TSC22D4: variants seen among roughly 807,000 people sequenced by gnomAD.
The protein encoded by TSC22D4 is TSC22 domain family member 4.
Under a neutral mutation model 24.9 loss-of-function variants are expected in TSC22D4, and 5 were observed. The observed-to-expected ratio is 0.20, with a 90% confidence interval of 0.10 to 0.42. The LOEUF (loss-of-function observed/expected upper bound fraction) is 0.42. TSC22D4 is among the 10% of genes least tolerant of loss of function. TSC22D4 has a pLI of 1.00. For synonymous variants in TSC22D4, 245 were observed against 243.2 expected, an observed-to-expected ratio of 1.01 and a Z score of -0.07; for missense variants, 469 against 547.9, an observed-to-expected ratio of 0.86 and a Z score of 1.44.
rs1423475888 is a variant in TSC22D4 at position 100,474,078 on chromosome 7, A to G, written c.929+196T>C. The G allele has an allele frequency of 1.6e-5, 10 of 633,022 alleles. No individual in the cohort carries two copies. The highest frequency in any genetic ancestry group is 1.3e-4 in the African/African-American group (7 of 54,564). The allele number at this position is 633,022 out of a possible 1,614,324, so 39.2% of individuals were successfully genotyped here. Reference sequence around the variant, plus strand: ...AGTTCTGAGCCAGGGAGTCCCACCCAGCCCTCTCCACAGAGAGGGAGTGGG... The same window carrying G: ...AGTTCTGAGCCAGGGAGTCCCACCCGGCCCTCTCCACAGAGAGGGAGTGGG... On this transcript the variant is annotated intron_variant, in intron 3 of 4. Transcript: ENST00000300181. This position sits in a 1 kb window ranked among gnomAD's most constrained non-coding sequence, Gnocchi z 4.3.
rs1304967069 is a variant in TSC22D4, at chr7:100,466,566, A to G, written c.*393T>C. ...AATTATTATTATTATTTTAATAACAACCTGAATCCCAGAACTTCCAGATAC... is the reference window on the plus strand; with the variant it reads ...AATTATTATTATTATTTTAATAACAGCCTGAATCCCAGAACTTCCAGATAC... On this transcript the variant is annotated 3_prime_UTR_variant, in exon 5 of 5. Coordinates refer to ENST00000300181, the MANE Select transcript of TSC22D4 (RefSeq NM_030935.5). 3 of 193,954 alleles carry G rather than the reference A, an allele frequency of 1.5e-5. No homozygotes were observed. In the Admixed American group the frequency reaches 1.8e-4, roughly 12 times the overall value. 12.0% of individuals were successfully genotyped at this position (193,954 alleles called of 1,614,324 possible). A position where few individuals can be genotyped will look rare whatever the true frequency, so the allele number is the denominator to read the frequency against.
intron 3 of TSC22D4, among the ~76,000 whole-genome samples, chr7:100,473,079 T>C (rs889719359): frequency 6.6e-6 from 1 of 152,208 alleles, no homozygotes; most frequent in Non-Finnish European, 1.5e-5. Context: ...GCAGCCTGGC[T>C]ATCTCTGACT....
Position 100,477,732 on chromosome 7 carries a change from G to A in TSC22D4, c.307C>T (p.His103Tyr), listed in dbSNP as rs1332458693. Residue 103 changes from histidine to tyrosine, a missense_variant, in exon 2 of 5, where the codon CAC becomes TAC. By Grantham distance (83) the His-to-Tyr change is moderately conservative (BLOSUM62 2). Transcript: ENST00000300181. The surrounding 1 kb of genome is among the most constrained non-coding windows in gnomAD (Gnocchi z 7.8). ...VDVYERDLEP[H>Y]SFGGLLEGIR... ...CCCTCCAGGAGTCCGCCGAAGCTGT[G>A]GGGCTCCAGGTCTCGCTCATAAACA... is the stretch of plus-strand genomic sequence containing the variant. 1 of 1,602,290 alleles carries A rather than the reference G, an allele frequency of 6.2e-7. No individual in the cohort carries two copies.
chr7:100,471,662 C>T (rs372463945), intron 3 of TSC22D4, among the ~76,000 whole-genome samples: 3 of 152,258 alleles, frequency 2.0e-5, no homozygotes, highest in East Asian at 3.9e-4. Flanking sequence ...ATCGCTTAAA[C>T]CTGGGAGGCA....
chr7:100,474,382 C>A lies in TSC22D4; in HGVS notation c.821G>T (p.Ser274Ile), dbSNP rs1563182106. ...GGGGTCTGGAGATTTGTGAACCAGG[C>A]TGGCATCGTGGGTGAAGTAGAGGGC... ...SPALYFTHDA[S>I]LVHKSPDPFG... is the part of the protein sequence containing the mutation. Residue 274 changes from serine (S) to isoleucine (I), a missense_variant, in exon 3 of 5, where the codon AGC becomes ATC. By Grantham distance (142) the Ser-to-Ile change is moderately radical. Transcript: ENST00000300181. This position sits in a 1 kb window ranked among gnomAD's most constrained non-coding sequence, Gnocchi z 4.3. 6.2e-7 allele frequency: 1 copy of A among 1,614,000 alleles called. No individual in the cohort carries two copies. The highest frequency in any genetic ancestry group is 1.7e-5 in the Admixed American group (1 of 59,980).
At chr7:100,476,939 C>T (rs567269173) in intron 2 of TSC22D4, among the ~76,000 whole-genome samples, 1 of 152,260 alleles carries the variant, frequency 6.6e-6, no homozygotes, top group African/African-American at 2.4e-5. Context: ...CCAGCTGGGG[C>T]CTCCACCCTC....
chr7:100,477,388 C>A lies in TSC22D4; in HGVS notation c.651G>T (p.Arg217Ser). 6.3e-7 allele frequency: 1 copy of A among 1,595,758 alleles called. No homozygotes were observed. Among genetic ancestry groups the A allele is most frequent in the South Asian group, 1.1e-5 (1 of 88,796 alleles). ...CTGAGCCCCCAGCCTCCGCTTCCAC[C>A]CTCAGAGAGGGCAGGGGCGTGGCAG... The part of the protein sequence containing the change: ...SRAATPLPSL[R>S]VEAEAGGSGA... The change falls in exon 2 of 5, where the codon AGG becomes AGT. Residue 217 changes from arginine (R) to serine (S), a missense_variant. Coordinates refer to ENST00000300181, the MANE Select transcript of TSC22D4 (RefSeq NM_030935.5). The surrounding 1 kb of genome is among the most constrained non-coding windows in gnomAD (Gnocchi z 7.8).
At position 100,477,774 on chromosome 7, in the gene TSC22D4, G is replaced by C. The variant is rs776854978; in HGVS notation, c.265C>G (p.Arg89Gly). 6.2e-7 allele frequency: 1 copy of C among 1,606,250 alleles called. No homozygotes were observed. The highest frequency in any genetic ancestry group is 8.5e-7 in the Non-Finnish European group (1 of 1,179,820). Residue 89 changes from arginine (R) to glycine (G), a missense_variant, in exon 2 of 5, where the codon CGC (arginine) becomes GGC (glycine). Coordinates refer to ENST00000300181, the MANE Select transcript of TSC22D4 (RefSeq NM_030935.5). This position sits in a 1 kb window ranked among gnomAD's most constrained non-coding sequence, Gnocchi z 7.8. ...HGLGEPYRRG[R>G]WTCVDVYERD... ...TCATAAACATCCACACACGTCCAGC[G>C]ACCGCGGCGATAAGGCTCTCCCAGG... is the stretch of plus-strand genomic sequence containing the variant.
chr7:100,466,572 A>G lies in TSC22D4; in HGVS notation c.*387T>C, dbSNP rs1799280376. ...TATTATTATTTTAATAACAACCTGA[A>G]TCCCAGAACTTCCAGATACTGTCCA... On this transcript the variant is annotated 3_prime_UTR_variant, in exon 5 of 5. Coordinates refer to ENST00000300181, the MANE Select transcript of TSC22D4 (RefSeq NM_030935.5). The G allele has an allele frequency of 4.9e-6, 1 of 204,396 alleles. No individual in the cohort carries two copies. The highest frequency in any genetic ancestry group is 2.3e-5 in the African/African-American group (1 of 43,576). The allele number at this position is 204,396 out of a possible 1,614,324, so 12.7% of individuals were successfully genotyped here. A position where few individuals can be genotyped will look rare whatever the true frequency, so the allele number is the denominator to read the frequency against.
chr7:100,478,398 T>TGTGTGTGTGTGA (rs1799558691), intron 1 of TSC22D4, 91 bp from the exon 2 acceptor site: 1 of 208,380 alleles, frequency 4.8e-6, no homozygotes, highest in Non-Finnish European at 9.3e-6. Flanking sequence ...TGTGTGTGTG[T>TGTGTGTGTGTGA]GTGAAACCAG....
intron 3 of TSC22D4, among the ~76,000 whole-genome samples, chr7:100,468,383 G>A (rs1243520941): frequency 2.0e-5 from 3 of 152,114 alleles, no homozygotes; most frequent in Admixed American, 6.5e-5. Flanking sequence ...GAGGCCCCTC[G>A]CCACCTCCGA....
chr7:100,470,480 G>T (rs1023546255), intron 3 of TSC22D4, among the ~76,000 whole-genome samples: 8 of 152,076 alleles, frequency 5.3e-5, no homozygotes, highest in Non-Finnish European at 2.9e-5. Context: ...TTGCCGGGGA[G>T]CCTCCGGCAA....
Position 100,477,362 on chromosome 7 carries a change from C to G in TSC22D4, c.677G>C (p.Gly226Ala). 1.9e-6 allele frequency: 3 copies of G among 1,584,764 alleles called. No homozygotes were observed. The highest frequency in any genetic ancestry group is 1.4e-5 in the African/African-American group (1 of 73,948). ...CCGGGACAGTGGAGGGGTCCTGGCCCCTGAGCCCCCAGCCTCCGCTTCCAC... is the reference window on the plus strand; with the variant it reads ...CCGGGACAGTGGAGGGGTCCTGGCCGCTGAGCCCCCAGCCTCCGCTTCCAC... Reference protein sequence around the residue: ...LRVEAEAGGSGARTPPLSRRK... With the variant: ...LRVEAEAGGSAARTPPLSRRK... Residue 226 changes from glycine to alanine, a missense_variant, in exon 2 of 5, where the codon GGG becomes GCG. By Grantham distance (60) the Gly-to-Ala change is moderately conservative. Coordinates refer to ENST00000300181, the MANE Select transcript of TSC22D4 (RefSeq NM_030935.5). This position sits in a 1 kb window ranked among gnomAD's most constrained non-coding sequence, Gnocchi z 7.8.
intron 3 of TSC22D4, chr7:100,468,102 AC>A: frequency 2.8e-6 from 1 of 360,622 alleles, no homozygotes; most frequent in South Asian, 2.1e-5. Flanking sequence ...TGAAAGATAT[AC>A]ACCACCCCCC....
In TSC22D4 at chr7:100,477,385, C is replaced by T. The variant is rs1188624974; in HGVS notation, c.654G>A (p.Val218=). Residue 218 remains valine (V), a synonymous_variant, in exon 2 of 5, where the codon GTG becomes GTA. Transcript: ENST00000300181. The surrounding 1 kb of genome is among the most constrained non-coding windows in gnomAD (Gnocchi z 7.8). ...CCCCTGAGCCCCCAGCCTCCGCTTC[C>T]ACCCTCAGAGAGGGCAGGGGCGTGG... ...RAATPLPSLR[V]EAEAGGSGAR... The T allele has an allele frequency of 1.3e-6, 2 of 1,595,180 alleles. No homozygotes were observed. Among genetic ancestry groups the T allele is most frequent in the Admixed American group, 1.8e-5 (1 of 56,574 alleles).
chr7:100,471,485 AT>A (rs1212772705), intron 3 of TSC22D4, among the ~76,000 whole-genome samples: 1 of 152,070 alleles, frequency 6.6e-6, no homozygotes, highest in Non-Finnish European at 1.5e-5. Flanking sequence ...CATGCTTGTA[AT>A]CCCAGCACTT....
intron 2 of TSC22D4, among the ~76,000 whole-genome samples, chr7:100,475,709 G>A (rs573510907): frequency 1.3e-4 from 20 of 151,678 alleles, no homozygotes; most frequent in South Asian, 1.3e-3. Flanking sequence ...GGGGGGAGGC[G>A]GAGCCTGGGC....
chr7:100,470,441 G>A (rs1302084931), intron 3 of TSC22D4, among the ~76,000 whole-genome samples: 1 of 152,120 alleles, frequency 6.6e-6, no homozygotes, highest in African/African-American at 2.4e-5. Context: ...ACAGGCATGA[G>A]CCACCATGCC....
In TSC22D4 at chr7:100,466,741, G is replaced by A. The variant is rs1157512220; in HGVS notation, c.*218C>T. On this transcript the variant is annotated 3_prime_UTR_variant, in exon 5 of 5. Transcript: ENST00000300181. ...GAGGGTGGGGGTTGGTTCCCTCCCAGAGGGGGCTCCCTCTGACGCCCCGTC... is the reference window on the plus strand; with the variant it reads ...GAGGGTGGGGGTTGGTTCCCTCCCAAAGGGGGCTCCCTCTGACGCCCCGTC... 7 of 581,370 alleles carry A rather than the reference G, an allele frequency of 1.2e-5. No individual in the cohort carries two copies. Among genetic ancestry groups the A allele is most frequent in the Admixed American group, 9.9e-5 (3 of 30,316 alleles). 36.0% of individuals were successfully genotyped at this position (581,370 alleles called of 1,614,324 possible).
Sources: allele counts gnomAD v4.1 joint callset (sites outside exome capture counted in the v4.1 genomes callset), GRCh38; gene constraint gnomAD v4.1.1; non-coding constraint Gnocchi (gnomAD v3.1); transcripts MANE v1.5; gene names NCBI Gene and HGNC (gene_info 2026-07-23, HGNC 2026-07-21).